The following ATAD2B variants were observed in gnomAD, a reference collection of about 807,000 sequenced individuals.
ATAD2B encodes ATPase family AAA domain containing 2B.
Under a neutral mutation model 167.6 loss-of-function variants are expected in ATAD2B, and 40 were observed. That is an observed-to-expected ratio of 0.24 (90% CI 0.19 to 0.31). The LOEUF is 0.31. ATAD2B is among the 10% of genes least tolerant of loss of function. The pLI, the probability that ATAD2B is intolerant of heterozygous loss-of-function variation, is 1.00. For synonymous variants in ATAD2B, 579 were observed against 596.5 expected (o/e 0.97, Z 0.43); for missense variants, 1,242 against 1,757.2 (o/e 0.71, Z 5.24).
intron 8 of ATAD2B, chr2:23,872,766 C>T (rs1696200184): frequency 1.1e-6 from 1 of 946,996 alleles, no homozygotes; most frequent in Non-Finnish European, 1.7e-6. Context: ...CAAGTCCTCA[C>T]TACAGGCAAC....
the ATAD2B span, chr2:23,696,424 C>A: frequency 6.4e-7 from 1 of 1,551,474 alleles, no homozygotes; most frequent in Non-Finnish European, 8.7e-7. The surrounding 1 kb of genome is among the most constrained non-coding windows in gnomAD (Gnocchi z 5.5). Flanking sequence ...TGACAGTCCC[C>A]CGCTGTCGGC....
At position 23,818,362 on chromosome 2, in the gene ATAD2B, CAAA is replaced by C. The variant is rs6146683; in HGVS notation, c.2267+1382_2267+1384del. ...ACGCACAGGCTAGCCAGGTGAAAAG[CAAA>C]AAAAAAAAAAAAAAAAAAAAAATTG... On this transcript the variant is annotated intron_variant, in intron 17 of 27. Transcript: ENST00000238789. Among the ~76,000 whole-genome samples, 247 of 99,272 alleles carry C rather than the reference CAAA, an allele frequency of 2.5e-3. 1 individual carries two copies. In the Middle Eastern group the frequency reaches 0.025, roughly 10 times the overall value. The allele number at this position is 99,272 out of a possible 152,430, so 65.1% of individuals were successfully genotyped here.
At chr2:23,724,225 A>G in the ATAD2B span, among the ~76,000 whole-genome samples, 2 of 152,188 alleles carry the variant, frequency 1.3e-5, no homozygotes, top group Non-Finnish European at 2.9e-5. Context: ...CAGAATGACT[A>G]TAGTTAACAA....
the ATAD2B span, among the ~76,000 whole-genome samples, chr2:23,711,021 G>C: frequency 6.6e-6 from 1 of 152,118 alleles, no homozygotes; most frequent in African/African-American, 2.4e-5. Context: ...CGTGAGACAG[G>C]TAATACTAAA....
chr2:23,739,289 C>A, the ATAD2B span, among the ~76,000 whole-genome samples: 1 of 152,190 alleles, frequency 6.6e-6, no homozygotes, highest in African/African-American at 2.4e-5. Flanking sequence ...AAATTGACCA[C>A]ATAGTTGGAA....
Position 23,853,347 on chromosome 2 carries a change from T to C in ATAD2B, c.1568+4068A>G, listed in dbSNP as rs148157934. ...CGTAAGGAAACCACAAAATAGCTAATAGAACTAACAAATGAATTTAGCAAG... is the reference window on the plus strand; with the variant it reads ...CGTAAGGAAACCACAAAATAGCTAACAGAACTAACAAATGAATTTAGCAAG... On this transcript the variant is annotated intron_variant, in intron 13 of 27. Coordinates refer to ENST00000238789, the MANE Select transcript of ATAD2B (RefSeq NM_017552.4). Among the ~76,000 whole-genome samples, 1,152 of 152,310 alleles carry C rather than the reference T, an allele frequency of 7.6e-3. 5 individuals are homozygous for C. The highest frequency in any genetic ancestry group is 0.012 in the Non-Finnish European group (808 of 68,016).
chr2:23,787,989 TAAAAC>T (rs1486116202), intron 20 of ATAD2B, among the ~76,000 whole-genome samples: 1 of 152,040 alleles, frequency 6.6e-6, no homozygotes, highest in Non-Finnish European at 1.5e-5. Flanking sequence ...ATCTAACACT[TAAAAC>T]AAAGGCAGGA....
At chr2:23,752,154 G>A (rs906647650) in intron 27 of ATAD2B, 67 bp from the exon 28 acceptor site, 2 of 1,163,244 alleles carry the variant, frequency 1.7e-6, no homozygotes, top group East Asian at 2.6e-5. Flanking sequence ...CATTACGGAA[G>A]AATTCACTTT....
chr2:23,713,191 G>A, the ATAD2B span, among the ~76,000 whole-genome samples: 5 of 152,248 alleles, frequency 3.3e-5, no homozygotes, highest in Non-Finnish European at 7.3e-5. Flanking sequence ...GCTGGCCACT[G>A]CTCAAGTGCA....
downstream of ATAD2B, among the ~76,000 whole-genome samples, chr2:23,744,179 A>G (rs1226508140): frequency 6.6e-6 from 1 of 152,230 alleles, no homozygotes; most frequent in Non-Finnish European, 1.5e-5. Context: ...AAATCAAAAG[A>G]AAATGACTAA....
rs576154233 is a variant in ATAD2B, at chr2:23,810,557, A to G, written c.2268-55T>C. On this transcript the variant is annotated intron_variant, in intron 17 of 27. Transcript: ENST00000238789. The stretch of plus-strand genomic sequence containing the variant: ...AAAGGCATACATTCTGAAGACAAAT[A>G]TGAAATATCAGGCAAAATTTTTACA... 5 of 1,452,744 alleles carry G rather than the reference A, an allele frequency of 3.4e-6. No homozygotes were observed. The South Asian group carries it at 6.8e-5, about 20-fold the overall frequency. 90.0% of individuals were successfully genotyped at this position (1,452,744 alleles called of 1,614,324 possible).
chr2:23,843,513 C>A (rs962923404), intron 13 of ATAD2B, among the ~76,000 whole-genome samples: 1 of 152,198 alleles, frequency 6.6e-6, no homozygotes, highest in Non-Finnish European at 1.5e-5. Flanking sequence ...GGCTGTGATA[C>A]AGGCAGATGG....
At chr2:23,741,106 T>A in the ATAD2B span, among the ~76,000 whole-genome samples, 8 of 151,866 alleles carry the variant, frequency 5.3e-5, no homozygotes, top group Admixed American at 1.3e-4. Context: ...AGAATCAATA[T>A]CGTGAAAATG....
chr2:23,800,959 G>C (rs1683403576), intron 18 of ATAD2B, among the ~76,000 whole-genome samples: 1 of 152,056 alleles, frequency 6.6e-6, no homozygotes, highest in African/African-American at 2.4e-5. Context: ...CTAACTACAT[G>C]AAATACCAAC....
the ATAD2B span, among the ~76,000 whole-genome samples, chr2:23,702,066 G>C: frequency 2.0e-5 from 3 of 151,206 alleles, no homozygotes; most frequent in Admixed American, 2.0e-4. Flanking sequence ...CAGATGATCC[G>C]CCCACCTCGG....
At chr2:23,742,680 TG>T in the ATAD2B span, among the ~76,000 whole-genome samples, 1 of 151,952 alleles carries the variant, frequency 6.6e-6, no homozygotes, top group African/African-American at 2.4e-5. Context: ...GTTGTGCACA[TG>T]TACCCTAAAA....
chr2:23,786,055 A>G lies in ATAD2B; in HGVS notation c.2945T>C (p.Ile982Thr). 6.2e-7 allele frequency: 1 copy of G among 1,612,234 alleles called. No individual in the cohort carries two copies. Among genetic ancestry groups the G allele is most frequent in the Non-Finnish European group, 8.5e-7 (1 of 1,179,096 alleles). ...TTCAATATCCACCGGTTTGCTGAAG[A>G]TGTTAAAGCGTTTATCTGTGGCCAG... ...KRLATDKRFNIFSKPVDIEEV... is the reference protein window; with the variant it reads ...KRLATDKRFNTFSKPVDIEEV... Residue 982 changes from isoleucine to threonine, a missense_variant, in exon 21 of 28, where the codon ATC becomes ACC. Around this residue, in one of 9 missense-constraint regions of ATAD2B, gnomAD observed 204 missense variants for 324.0 expected, o/e 0.63. Coordinates refer to ENST00000238789, the MANE Select transcript of ATAD2B (RefSeq NM_017552.4).
At chr2:23,752,375 T>C (rs1055228781) in intron 27 of ATAD2B, among the ~76,000 whole-genome samples, 3 of 151,444 alleles carry the variant, frequency 2.0e-5, no homozygotes, top group Admixed American at 6.6e-5. Context: ...ATATGAGTAA[T>C]ATGAATATAA....
chr2:23,768,211 T>C (rs1428072629), intron 22 of ATAD2B, among the ~76,000 whole-genome samples: 2 of 152,154 alleles, frequency 1.3e-5, no homozygotes, highest in Non-Finnish European at 2.9e-5. Flanking sequence ...TTGAGGTAAG[T>C]ACACATCCAT....
Sources: gnomAD v4.1 joint callset for allele counts (sites outside exome capture counted in the v4.1 genomes callset) on GRCh38, gnomAD v4.1.1 for gene constraint, gnomAD v4.1.1 regional missense constraint, Gnocchi (gnomAD v3.1) non-coding constraint, MANE v1.5 for transcripts, NCBI Gene and HGNC (gene_info 2026-07-23, HGNC 2026-07-21) for gene names.